F2: variants seen among roughly 807,000 people sequenced by gnomAD.
F2 encodes prothrombin.
A neutral mutation model predicts 81.9 loss-of-function variants in F2; 34 were observed. The ratio of observed to expected loss-of-function variants is 0.42; its 90% CI spans 0.32 to 0.55. The LOEUF (loss-of-function observed/expected upper bound fraction) is 0.55, where lower values mean the gene tolerates loss of function less well. Among genes scored for constraint, F2 ranks in the 20% least tolerant of loss-of-function variants. The pLI is 0.18. For synonymous variants in F2, 296 were observed against 326.4 expected (o/e 0.91, Z 1.01); for missense variants, 630 against 833.4 (o/e 0.76, Z 3.00).
chr11:46,736,829 C>G (rs915416358), intron 12 of F2, among the ~76,000 whole-genome samples: 1 of 152,200 alleles, frequency 6.6e-6, no homozygotes, highest in Admixed American at 6.5e-5. Context: ...TTAGTGTCAA[C>G]ATGCCTAGGT....
intron 12 of F2, among the ~76,000 whole-genome samples, chr11:46,730,127 C>T (rs1378948557): frequency 6.6e-6 from 1 of 152,104 alleles, no homozygotes; most frequent in Non-Finnish European, 1.5e-5. Context: ...TGGTGAAACC[C>T]CGTCTCTACT....
In F2 at chr11:46,729,578, C is replaced by T. The variant is rs780011370; in HGVS notation, c.1654+17C>T. On this transcript the variant is annotated intron_variant, in intron 12 of 13. Transcript: ENST00000311907. ...TCTGTGCTGGCAAGTCTGTGCAGGG[C>T]GGGCTGAGGGAACAGTGGGGCCCAA... 3.3e-5 allele frequency: 53 copies of T among 1,605,136 alleles called. No homozygotes were observed. Among genetic ancestry groups the T allele is most frequent in the East Asian group, 2.5e-4 (11 of 44,564 alleles).
At position 46,726,654 on chromosome 11, in the gene F2, C is replaced by CGGGGATGT. The variant is rs761999469; in HGVS notation, c.1003+32_1003+33insATGTGGGG. On this transcript the variant is annotated intron_variant, in intron 8 of 13. Transcript: ENST00000311907. The surrounding 1 kb of genome is among the most constrained non-coding windows in gnomAD (Gnocchi z 5.9). ...GAGGTAGTGGGCATCCGAGGGGATG[C>CGGGGATGT]GGGGCTGCGGGGCTGGTGGCCAGGA... 6.2e-7 allele frequency: 1 copy of CGGGGATGT among 1,613,396 alleles called. No individual in the cohort carries two copies. The highest frequency in any genetic ancestry group is 1.3e-5 in the African/African-American group (1 of 74,940).
At chr11:46,729,159 T>C (rs991709704) in intron 11 of F2, among the ~76,000 whole-genome samples, 2 of 152,092 alleles carry the variant, frequency 1.3e-5, no homozygotes, top group African/African-American at 4.8e-5. Context: ...GTATTTTTAG[T>C]AGAGACTGGT....
rs1167405248 is a variant in F2, at chr11:46,719,716, C to G, written c.94C>G (p.Gln32Glu). The G allele has an allele frequency of 1.9e-6, 3 of 1,592,282 alleles. No homozygotes were observed. Among genetic ancestry groups the G allele is most frequent in the Non-Finnish European group, 2.6e-6 (3 of 1,170,764 alleles). The change falls in exon 2 of 14, where the codon CAG (glutamine) becomes GAG (glutamate). Residue 32 changes from glutamine to glutamate, a missense_variant. By Grantham distance (29) the Gln-to-Glu change is conservative. Transcript: ENST00000311907. The surrounding 1 kb of genome is among the most constrained non-coding windows in gnomAD (Gnocchi z 4.7). ...CCGCCTTACAGTGTTCCTGGCTCCT[C>G]AGCAAGCACGGTCGCTGCTCCAGCG... ...VHSQHVFLAP[Q>E]QARSLLQRVR... is the part of the protein sequence containing the mutation.
chr11:46,719,234 C>T lies in F2; in HGVS notation c.-2C>T, dbSNP rs1051980466. The stretch of plus-strand genomic sequence containing the variant: ...CCTCAGTGACCCAGGAGCTGACACA[C>T]TATGGCGCACGTCCGAGGCTTGCAG... On this transcript the variant is annotated 5_prime_UTR_variant, in exon 1 of 14. Coordinates refer to ENST00000311907, the MANE Select transcript of F2 (RefSeq NM_000506.5). The surrounding 1 kb of genome is among the most constrained non-coding windows in gnomAD (Gnocchi z 4.7). 1 of 1,613,860 alleles carries T rather than the reference C, an allele frequency of 6.2e-7. No homozygotes were observed. Among genetic ancestry groups the T allele is most frequent in the South Asian group, 1.1e-5 (1 of 91,082 alleles).
intron 12 of F2, among the ~76,000 whole-genome samples, chr11:46,735,377 G>T (rs1312664948): frequency 6.6e-6 from 1 of 152,020 alleles, no homozygotes; most frequent in Non-Finnish European, 1.5e-5. Context: ...GGAGGTGGAG[G>T]TTGCAGTGAG....
intron 4 of F2, among the ~76,000 whole-genome samples, chr11:46,722,402 T>C (rs1013899031): frequency 6.6e-6 from 1 of 152,008 alleles, no homozygotes; most frequent in African/African-American, 2.4e-5. Flanking sequence ...CTGGCCAACA[T>C]AGTGAAACCC....
intron 12 of F2, among the ~76,000 whole-genome samples, chr11:46,730,549 G>C (rs540751285): frequency 6.6e-6 from 1 of 151,810 alleles, no homozygotes; most frequent in East Asian, 1.9e-4. Flanking sequence ...AGGGGAGAGA[G>C]GGGGGCAGGC....
chr11:46,720,753 C>T, intron 3 of F2, 37 bp from the exon 4 acceptor site: 1 of 1,612,526 alleles, frequency 6.2e-7, no homozygotes. Context: ...CCTGGCCATA[C>T]CCCAATCCCA....
rs1592412440 is a variant in F2, at chr11:46,726,132, G to A, written c.833G>A (p.Gly278Glu). 1 of 1,614,120 alleles carries A rather than the reference G, an allele frequency of 6.2e-7. No individual in the cohort carries two copies. The highest frequency in any genetic ancestry group is 8.5e-7 in the Non-Finnish European group (1 of 1,180,042). Residue 278 changes from glycine (G) to glutamate (E), a missense_variant, in exon 7 of 14, where the codon GGG becomes GAG. Gly to Glu is a moderately conservative substitution (Grantham distance 98, BLOSUM62 -2). Coordinates refer to ENST00000311907, the MANE Select transcript of F2 (RefSeq NM_000506.5). This position sits in a 1 kb window ranked among gnomAD's most constrained non-coding sequence, Gnocchi z 5.9. ...DEEGVWCYVA[G>E]KPGDFGYCDL... ...GAGGGCGTGTGGTGCTATGTGGCCG[G>A]GAAGCCTGGCGACTTTGGGTACTGC...
rs775021214 is a variant in F2, at chr11:46,719,248, C to G, written c.13C>G (p.Arg5Gly). Residue 5 changes from arginine to glycine, a missense_variant, in exon 1 of 14, where the codon CGA becomes GGA. Coordinates refer to ENST00000311907, the MANE Select transcript of F2 (RefSeq NM_000506.5). This position sits in a 1 kb window ranked among gnomAD's most constrained non-coding sequence, Gnocchi z 4.7. MAHVRGLQLPGCLAL... is the reference protein window; with the variant it reads MAHVGGLQLPGCLAL... Reference sequence around the variant, plus strand: ...GAGCTGACACACTATGGCGCACGTCCGAGGCTTGCAGCTGCCTGGCTGCCT... The same window carrying G: ...GAGCTGACACACTATGGCGCACGTCGGAGGCTTGCAGCTGCCTGGCTGCCT... 29 of 1,613,826 alleles carry G rather than the reference C, an allele frequency of 1.8e-5. No homozygotes were observed. The East Asian group carries it at 6.0e-4, about 33-fold the overall frequency.
intron 9 of F2, among the ~76,000 whole-genome samples, 166 bp downstream of exon 9, chr11:46,727,003 T>C (rs1288754997): frequency 6.6e-6 from 1 of 152,188 alleles, no homozygotes; most frequent in Non-Finnish European, 1.5e-5. Flanking sequence ...GGTTGTTTAC[T>C]TCTTTTTTTT....
chr11:46,723,353 G>A lies in F2; in HGVS notation c.423-29G>A. 6.2e-7 allele frequency: 1 copy of A among 1,613,496 alleles called. No individual in the cohort carries two copies. Among genetic ancestry groups the A allele is most frequent in the Non-Finnish European group, 8.5e-7 (1 of 1,179,426 alleles). ...GAGCAAGCGTACCTCAAGCCCAACA[G>A]CCTCCTGTTGGGCAATTTCCTGTTC... On this transcript the variant is annotated intron_variant, in intron 5 of 13. Coordinates refer to ENST00000311907, the MANE Select transcript of F2 (RefSeq NM_000506.5). The surrounding 1 kb of genome is among the most constrained non-coding windows in gnomAD (Gnocchi z 5.6).
intron 12 of F2, among the ~76,000 whole-genome samples, chr11:46,737,961 C>T (rs1250052971): frequency 1.3e-5 from 2 of 151,812 alleles, no homozygotes; most frequent in African/African-American, 2.4e-5. Context: ...TTCAGCCTCC[C>T]ACGTAGCTAG....
At chr11:46,720,928 G>A in intron 4 of F2, 88 bp downstream of exon 4, 1 of 1,405,728 alleles carries the variant, frequency 7.1e-7, no homozygotes, top group Non-Finnish European at 1.0e-6. Flanking sequence ...GTGGCTGGTG[G>A]AGGCCGAGGC....
intron 12 of F2, among the ~76,000 whole-genome samples, chr11:46,731,825 A>C (rs2064913563): frequency 6.6e-6 from 1 of 151,466 alleles, no homozygotes; most frequent in Admixed American, 6.6e-5. Context: ...TGACCTCTTG[A>C]GGAAGGCAAT....
chr11:46,726,892 G>A lies in F2; in HGVS notation c.1130+55G>A. On this transcript the variant is annotated intron_variant, in intron 9 of 13. Transcript: ENST00000311907. The surrounding 1 kb of genome is among the most constrained non-coding windows in gnomAD (Gnocchi z 5.9). ...ACTCCTGGGGGCAGGTGTGCTGCTGGACCCCCACCCTCAGGCCCTGCCTGC... is the reference window on the plus strand; with the variant it reads ...ACTCCTGGGGGCAGGTGTGCTGCTGAACCCCCACCCTCAGGCCCTGCCTGC... The A allele has an allele frequency of 6.2e-7, 1 of 1,609,304 alleles. No homozygotes were observed. Among genetic ancestry groups the A allele is most frequent in the South Asian group, 1.1e-5 (1 of 90,890 alleles).
Position 46,736,096 on chromosome 11 carries a change from G to A in F2, c.1655-2952G>A, listed in dbSNP as rs953259473. 2.6e-5 allele frequency among the ~76,000 whole-genome samples: 4 copies of A among 151,902 alleles called. No individual in the cohort carries two copies. In the East Asian group the frequency reaches 7.7e-4, roughly 29 times the overall value. ...TGTGCGCCTGTAATCCCAGCTACTT[G>A]GGAGGCTGAGGCAGGGGAATCACTT... On this transcript the variant is annotated intron_variant, in intron 12 of 13. Coordinates refer to ENST00000311907, the MANE Select transcript of F2 (RefSeq NM_000506.5).
Sources: allele counts gnomAD v4.1 joint callset (sites outside exome capture counted in the v4.1 genomes callset), GRCh38; gene constraint gnomAD v4.1.1; non-coding constraint Gnocchi (gnomAD v3.1); transcripts MANE v1.5; gene names NCBI Gene and HGNC (gene_info 2026-07-23, HGNC 2026-07-21).